Variants in RSF1 observed in about 807,000 individuals in gnomAD.
The protein encoded by RSF1 is HBV pX-associated protein 8.
Under a neutral mutation model 145.2 loss-of-function variants are expected in RSF1, and 13 were observed. The observed-to-expected ratio is 0.09, with a 90% confidence interval of 0.06 to 0.14. The LOEUF is 0.14. Ranked by LOEUF, RSF1 falls within the 10% of genes least tolerant of loss-of-function variation. The pLI is 1.00. For missense variants in RSF1, 1,517 were observed against 1,718.2 expected, an observed-to-expected ratio of 0.88 and a Z score of 2.07; for synonymous variants, 577 against 592.6, an observed-to-expected ratio of 0.97 and a Z score of 0.38.
intron 5 of RSF1, among the ~76,000 whole-genome samples, chr11:77,721,684 TA>T (rs1255210170): frequency 1.3e-5 from 2 of 152,234 alleles, no homozygotes; most frequent in African/African-American, 4.8e-5. Flanking sequence ...TGGCACATGG[TA>T]AATGGTTTAT....
chr11:77,768,985 A>C (rs1948254585), intron 1 of RSF1, among the ~76,000 whole-genome samples: 1 of 152,172 alleles, frequency 6.6e-6, no homozygotes. Flanking sequence ...AATTTTATTT[A>C]TTTTTAAATT....
intron 4 of RSF1, chr11:77,734,685 T>G: frequency 7.1e-7 from 1 of 1,400,920 alleles, no homozygotes; most frequent in South Asian, 1.1e-5. Context: ...GTTCCAGTAG[T>G]GACTGATTCA....
intron 11 of RSF1, among the ~76,000 whole-genome samples, chr11:77,682,124 A>G (rs1431630527): frequency 6.6e-6 from 1 of 152,214 alleles, no homozygotes. Flanking sequence ...TCATACATAC[A>G]GAAGAAAACT....
At chr11:77,699,077 T>G (rs1960351048) in intron 6 of RSF1, among the ~76,000 whole-genome samples, 1 of 152,220 alleles carries the variant, frequency 6.6e-6, no homozygotes, top group South Asian at 2.1e-4. Context: ...TACAAATATT[T>G]TTACACACAT....
intron 1 of RSF1, among the ~76,000 whole-genome samples, chr11:77,771,844 A>T (rs1442676309): frequency 1.3e-5 from 2 of 152,252 alleles, no homozygotes; most frequent in African/African-American, 4.8e-5. Context: ...ATGACTATTT[A>T]GGAAGACATC....
chr11:77,827,790 A>G, the RSF1 span, among the ~76,000 whole-genome samples: 1 of 152,234 alleles, frequency 6.6e-6, no homozygotes. Flanking sequence ...CAAGAAAAAA[A>G]TAAAAGGCAT....
At chr11:77,675,602 T>C (rs1959680684) in intron 13 of RSF1, among the ~76,000 whole-genome samples, 1 of 152,210 alleles carries the variant, frequency 6.6e-6, no homozygotes, top group African/African-American at 2.4e-5. Context: ...ACTCATCCGG[T>C]AACTCCAACC....
At chr11:77,754,128 T>C (rs1012971311) in intron 2 of RSF1, among the ~76,000 whole-genome samples, 2 of 152,226 alleles carry the variant, frequency 1.3e-5, no homozygotes, top group African/African-American at 2.4e-5. Flanking sequence ...GCAGGGGGCA[T>C]TGATTGGGTA....
intron 1 of RSF1, among the ~76,000 whole-genome samples, chr11:77,788,380 A>G (rs1158339636): frequency 6.6e-6 from 1 of 151,128 alleles, no homozygotes; most frequent in East Asian, 1.9e-4. Context: ...CTAGAGGAAA[A>G]ACTGAAAACA....
intron 1 of RSF1, among the ~76,000 whole-genome samples, chr11:77,802,928 C>T (rs1948640595): frequency 6.6e-6 from 1 of 152,196 alleles, no homozygotes; most frequent in Non-Finnish European, 1.5e-5. Context: ...GTGCCTCTCA[C>T]TCCAGCCTGG....
chr11:77,822,990 CG>C (rs1271898874), upstream of RSF1, among the ~76,000 whole-genome samples: 2 of 151,950 alleles, frequency 1.3e-5, no homozygotes, highest in Admixed American at 6.6e-5. Flanking sequence ...TCGAGACGGG[CG>C]GGTCACGAGG....
chr11:77,694,627 C>A (rs1346493573), intron 7 of RSF1, among the ~76,000 whole-genome samples: 1 of 152,158 alleles, frequency 6.6e-6, no homozygotes, highest in Non-Finnish European at 1.5e-5. Flanking sequence ...ATTTTTAACA[C>A]CATTACCTCA....
chr11:77,733,027 C>T (rs914060262), intron 4 of RSF1, among the ~76,000 whole-genome samples: 6 of 152,138 alleles, frequency 3.9e-5, no homozygotes, highest in Admixed American at 1.3e-4. Flanking sequence ...AATAAAGATG[C>T]TATGAACATT....
chr11:77,787,707 A>G (rs1200411690), intron 1 of RSF1, among the ~76,000 whole-genome samples: 1 of 152,200 alleles, frequency 6.6e-6, no homozygotes, highest in Non-Finnish European at 1.5e-5. Context: ...CAACTTAATC[A>G]TAATGCAGAA....
Position 77,701,806 on chromosome 11 carries a change from A to C in RSF1, c.1423T>G (p.Ser475Ala), listed in dbSNP as rs7950873. 3.8e-4 allele frequency: 608 copies of C among 1,613,920 alleles called. 8 individuals carry two copies. The East Asian group carries it at 0.012, about 31-fold the overall frequency. The change falls in exon 6 of 16, where the codon TCT becomes GCT. Residue 475 changes from serine to alanine, a missense_variant. Coordinates refer to ENST00000308488, the MANE Select transcript of RSF1 (RefSeq NM_016578.4). Reference sequence around the variant, plus strand: ...TCCGTGATGATATTTCTGTCCTTAGAGGGGCTATAGCTCTCTTCCTTTGTC... The same window carrying C: ...TCCGTGATGATATTTCTGTCCTTAGCGGGGCTATAGCTCTCTTCCTTTGTC... ...YETKEESYSP[S>A]KDRNIITEGN...
At chr11:77,743,118 G>A (rs1441103001) in intron 3 of RSF1, among the ~76,000 whole-genome samples, 2 of 152,106 alleles carry the variant, frequency 1.3e-5, no homozygotes, top group East Asian at 1.9e-4. Context: ...CTTTTTACCA[G>A]TACCATGTTG....
At chr11:77,685,287 G>T in intron 9 of RSF1, 128 bp from the exon 10 acceptor site, 1 of 467,822 alleles carries the variant, frequency 2.1e-6, no homozygotes, top group South Asian at 4.8e-5. Flanking sequence ...TCACAGAAAT[G>T]TTAGCTATTA....
chr11:77,826,426 G>T, the RSF1 span, among the ~76,000 whole-genome samples: 1 of 152,072 alleles, frequency 6.6e-6, no homozygotes, highest in South Asian at 2.1e-4. Flanking sequence ...ATGTGTCTGT[G>T]TTTTAAATTT....
chr11:77,805,850 G>C (rs1322146760), intron 1 of RSF1, among the ~76,000 whole-genome samples: 1 of 152,024 alleles, frequency 6.6e-6, no homozygotes, highest in African/African-American at 2.4e-5. Flanking sequence ...ACAAACGCTG[G>C]GTCTTTTCAG....
Sources: allele counts gnomAD v4.1 joint callset (sites outside exome capture counted in the v4.1 genomes callset), GRCh38; gene constraint gnomAD v4.1.1; transcripts MANE v1.5; gene names NCBI Gene and HGNC (gene_info 2026-07-23, HGNC 2026-07-21).